GPHN: variants seen among roughly 807,000 people sequenced by gnomAD.
GPHN encodes gephyrin.
In GPHN, 17 loss-of-function variants were observed where a neutral mutation model predicts 95.5. That is an observed-to-expected ratio of 0.18 (90% CI 0.12 to 0.27). The LOEUF is 0.27. Ranked by LOEUF, GPHN falls within the 10% of genes least tolerant of loss-of-function variation. GPHN has a pLI of 1.00. For synonymous variants in GPHN, 320 were observed against 322.5 expected (o/e 0.99, Z 0.08); for missense variants, 660 against 978.1 (o/e 0.67, Z 4.34).
At chr14:67,073,367 A>C (rs754108986) in intron 11 of GPHN, among the ~76,000 whole-genome samples, 4 of 152,144 alleles carry the variant, frequency 2.6e-5, no homozygotes, top group Non-Finnish European at 4.4e-5. Context: ...GGGTGTGGCA[A>C]GGTTTTCATC....
At chr14:67,205,837 A>G in the GPHN span, among the ~76,000 whole-genome samples, 1 of 152,182 alleles carries the variant, frequency 6.6e-6, no homozygotes, top group Non-Finnish European at 1.5e-5. Flanking sequence ...AGGATGGATT[A>G]TAGGTAAAGA....
chr14:67,457,118 G>A, the GPHN span, among the ~76,000 whole-genome samples: 1 of 152,082 alleles, frequency 6.6e-6, no homozygotes, highest in Non-Finnish European at 1.5e-5. Flanking sequence ...TAGACACCAG[G>A]GCCTACTTGA....
At chr14:66,820,994 A>G (rs1024258509) in intron 3 of GPHN, among the ~76,000 whole-genome samples, 2 of 152,210 alleles carry the variant, frequency 1.3e-5, no homozygotes, top group Non-Finnish European at 2.9e-5. Flanking sequence ...AATCACTAAA[A>G]TAAACAATGT....
At chr14:67,569,169 G>T in the GPHN span, 1 of 1,612,982 alleles carries the variant, frequency 6.2e-7, no homozygotes, top group South Asian at 1.1e-5. Flanking sequence ...GCCACATCGG[G>T]CATGCGGCTC....
the GPHN span, among the ~76,000 whole-genome samples, chr14:67,204,055 A>C: frequency 6.6e-6 from 1 of 152,218 alleles, no homozygotes; most frequent in Non-Finnish European, 1.5e-5. Context: ...CATATGATTA[A>C]GATGAGATGG....
At chr14:66,885,804 G>T (rs1352849734) in intron 5 of GPHN, among the ~76,000 whole-genome samples, 1 of 150,088 alleles carries the variant, frequency 6.7e-6, no homozygotes, top group East Asian at 2.0e-4. Flanking sequence ...TATACCTCAG[G>T]CTTATTTCTT....
At chr14:67,211,614 T>A in the GPHN span, among the ~76,000 whole-genome samples, 3 of 152,192 alleles carry the variant, frequency 2.0e-5, no homozygotes, top group African/African-American at 7.2e-5. Context: ...AATTTTACTA[T>A]TAGGTAATAT....
At chr14:66,666,314 G>T (rs533683556) in intron 1 of GPHN, among the ~76,000 whole-genome samples, 2 of 150,382 alleles carry the variant, frequency 1.3e-5, no homozygotes, top group South Asian at 2.1e-4. Flanking sequence ...AAAAGGAAAA[G>T]AATGCACAAT....
chr14:66,511,577 C>A (rs547974600), intron 1 of GPHN, among the ~76,000 whole-genome samples: 1 of 151,964 alleles, frequency 6.6e-6, no homozygotes, highest in Non-Finnish European at 1.5e-5. Flanking sequence ...TTTTTTATTA[C>A]CTGTTGAAAG....
chr14:67,584,056 T>G, the GPHN span: 4 of 1,613,852 alleles, frequency 2.5e-6, no homozygotes, highest in Non-Finnish European at 3.4e-6. Flanking sequence ...CCCTCCTGAG[T>G]GCATCCGCAT....
chr14:67,375,763 T>A, the GPHN span, among the ~76,000 whole-genome samples: 7 of 152,188 alleles, frequency 4.6e-5, no homozygotes, highest in African/African-American at 1.7e-4. Context: ...CTAGCAGCAT[T>A]GACATCACCT....
At chr14:66,992,725 GT>G (rs1327747981) in intron 9 of GPHN, among the ~76,000 whole-genome samples, 1 of 151,936 alleles carries the variant, frequency 6.6e-6, no homozygotes, top group African/African-American at 2.4e-5. Context: ...AGCAAATCCT[GT>G]TTTTTTATAG....
At chr14:67,623,162 C>T in the GPHN span, among the ~76,000 whole-genome samples, 3 of 152,160 alleles carry the variant, frequency 2.0e-5, no homozygotes, top group African/African-American at 7.2e-5. Flanking sequence ...ATCTCATAGC[C>T]TATTAAATAA....
At chr14:67,480,802 C>T in the GPHN span, among the ~76,000 whole-genome samples, 1 of 152,160 alleles carries the variant, frequency 6.6e-6, no homozygotes, top group Non-Finnish European at 1.5e-5. Flanking sequence ...GACTTTAAAC[C>T]CTGCTCTTCT....
chr14:67,047,362 G>GTGTGT (rs1402859810), intron 10 of GPHN, among the ~76,000 whole-genome samples: 1 of 130,754 alleles, frequency 7.6e-6, no homozygotes, highest in African/African-American at 2.8e-5. Context: ...GTGTGTGTGT[G>GTGTGT]TTTGTTTTTT....
the GPHN span, among the ~76,000 whole-genome samples, chr14:67,543,703 A>G: frequency 8.3e-3 from 1,266 of 152,128 alleles, 28 homozygotes; most frequent in African/African-American, 0.029. Context: ...ATAAGTAGGG[A>G]TTGACTCAGC....
the GPHN span, among the ~76,000 whole-genome samples, chr14:67,600,616 T>C: frequency 2.0e-5 from 3 of 152,128 alleles, no homozygotes; most frequent in South Asian, 6.2e-4. Context: ...ACCCACAGTT[T>C]GTTTTTGTTT....
At chr14:67,440,275 G>A in the GPHN span, among the ~76,000 whole-genome samples, 21 of 152,220 alleles carry the variant, frequency 1.4e-4, no homozygotes, top group Middle Eastern at 3.4e-3. Context: ...CCCAAAGATC[G>A]AACCTCCTTG....
chr14:67,473,603 C>T, the GPHN span: 10 of 1,602,654 alleles, frequency 6.2e-6, no homozygotes, highest in African/African-American at 1.2e-4. This position sits in a 1 kb window ranked among gnomAD's most constrained non-coding sequence, Gnocchi z 6.5. Context: ...CAAAGTCGAA[C>T]TGGGAGTAGT....
Sources: allele counts gnomAD v4.1 joint callset (sites outside exome capture counted in the v4.1 genomes callset), GRCh38; gene constraint gnomAD v4.1.1; non-coding constraint Gnocchi (gnomAD v3.1); transcripts MANE v1.5; gene names NCBI Gene and HGNC (gene_info 2026-07-23, HGNC 2026-07-21).